Variants in AGAP1 observed in about 807,000 individuals in gnomAD.
The protein encoded by AGAP1 is arf-GAP with GTPase, ANK repeat and PH domain-containing protein 1.
Under a neutral mutation model 105.3 loss-of-function variants are expected in AGAP1, and 29 were observed. The observed-to-expected ratio is 0.28, with a 90% confidence interval of 0.21 to 0.38. The LOEUF (loss-of-function observed/expected upper bound fraction) is 0.38. AGAP1 is among the 10% of genes least tolerant of loss of function. The pLI is 1.00. For missense variants in AGAP1, 998 were observed against 1,165.1 expected (o/e 0.86, Z 2.09); for synonymous variants, 509 against 485.9 (o/e 1.05, Z -0.63).
intron 1 of AGAP1, among the ~76,000 whole-genome samples, chr2:235,523,486 T>C (rs11688198): frequency 0.12 from 18,820 of 152,170 alleles, 1,361 homozygotes; most frequent in Middle Eastern, 0.27. Flanking sequence ...TAGGACTTGA[T>C]GGATGGTGCC....
At chr2:235,944,241 G>A (rs531206999) in intron 12 of AGAP1, among the ~76,000 whole-genome samples, 16 of 152,164 alleles carry the variant, frequency 1.1e-4, no homozygotes, top group South Asian at 2.1e-4. Flanking sequence ...TCAAATTATC[G>A]ATAAATACAT....
At chr2:235,678,190 A>C (rs35436699) in intron 1 of AGAP1, among the ~76,000 whole-genome samples, 1 of 152,014 alleles carries the variant, frequency 6.6e-6, no homozygotes, top group East Asian at 1.9e-4. Context: ...TCAGCTGCCA[A>C]ACTAGAATCC....
intron 6 of AGAP1, among the ~76,000 whole-genome samples, chr2:235,756,080 C>G (rs1297088239): frequency 2.0e-5 from 3 of 152,186 alleles, no homozygotes; most frequent in African/African-American, 7.2e-5. Context: ...AGAGCGGGCT[C>G]TGCCTGTATA....
Position 236,073,923 on chromosome 2 carries a change from C to T in AGAP1, c.2114+24642C>T, listed in dbSNP as rs1357982446. Among the ~76,000 whole-genome samples the T allele has an allele frequency of 1.6e-5, 2 of 126,964 alleles. No individual in the cohort carries two copies. Among genetic ancestry groups the T allele is most frequent in the Non-Finnish European group, 3.9e-5 (2 of 51,578 alleles). The allele number at this position is 126,964 out of a possible 152,430, so 83.3% of individuals were successfully genotyped here. On this transcript the variant is annotated intron_variant, in intron 16 of 17. Coordinates refer to ENST00000304032, the MANE Select transcript of AGAP1 (RefSeq NM_001037131.3). This position sits in a 1 kb window ranked among gnomAD's most constrained non-coding sequence, Gnocchi z 5.4. Reference sequence around the variant, plus strand: ...CCCCTCCCCCCAAGCATTTCCGCTGCACATCCCAGCTCAAGAACCACCCTC... The same window carrying T: ...CCCCTCCCCCCAAGCATTTCCGCTGTACATCCCAGCTCAAGAACCACCCTC...
intron 1 of AGAP1, among the ~76,000 whole-genome samples, chr2:235,653,278 T>C (rs71423691): frequency 6.6e-6 from 1 of 151,720 alleles, no homozygotes; most frequent in South Asian, 2.1e-4. Flanking sequence ...ATCCTGGCTA[T>C]CACGGTGAAA....
At chr2:235,685,092 G>T (rs1033921095) in intron 1 of AGAP1, among the ~76,000 whole-genome samples, 1 of 152,132 alleles carries the variant, frequency 6.6e-6, no homozygotes, top group Non-Finnish European at 1.5e-5. Flanking sequence ...CCGAGGTTGA[G>T]TGGGCTGGTT....
rs2052978713 is a variant in AGAP1 at position 235,936,178 on chromosome 2, T to G, written c.1483+5255T>G. ...ACTGTTAATACTGCATTTCTTCACG[T>G]GACTCTTCCATGTGGCTCTTGAGCC... On this transcript the variant is annotated intron_variant, in intron 12 of 17. Coordinates refer to ENST00000304032, the MANE Select transcript of AGAP1 (RefSeq NM_001037131.3). The surrounding 1 kb of genome is among the most constrained non-coding windows in gnomAD (Gnocchi z 4.7). Among the ~76,000 whole-genome samples the G allele has an allele frequency of 6.6e-6, 1 of 152,222 alleles. No individual in the cohort carries two copies. The highest frequency in any genetic ancestry group is 2.1e-4 in the South Asian group (1 of 4,832).
At chr2:235,742,316 A>G (rs1002709265) in intron 4 of AGAP1, among the ~76,000 whole-genome samples, 1 of 152,196 alleles carries the variant, frequency 6.6e-6, no homozygotes, top group African/African-American at 2.4e-5. Context: ...CTGACCATTG[A>G]CAGTGACCAT....
rs1953022857 is a variant in AGAP1 at position 235,747,164 on chromosome 2, C to G, written c.538+2325C>G. Among the ~76,000 whole-genome samples, 1 of 152,142 alleles carries G rather than the reference C, an allele frequency of 6.6e-6. No individual in the cohort carries two copies. The highest frequency in any genetic ancestry group is 1.5e-5 in the Non-Finnish European group (1 of 68,032). Reference sequence around the variant, plus strand: ...CTGCCTGGAATCCTGAACCCCACCCCCCACTGTCCCTGCCCCTGGAGGCAG... The same window carrying G: ...CTGCCTGGAATCCTGAACCCCACCCGCCACTGTCCCTGCCCCTGGAGGCAG... On this transcript the variant is annotated intron_variant, in intron 5 of 17. Coordinates refer to ENST00000304032, the MANE Select transcript of AGAP1 (RefSeq NM_001037131.3). The surrounding 1 kb of genome is among the most constrained non-coding windows in gnomAD (Gnocchi z 5.0).
chr2:235,514,149 C>T (rs571294728), intron 1 of AGAP1, among the ~76,000 whole-genome samples: 11 of 85,602 alleles, frequency 1.3e-4, no homozygotes, highest in Admixed American at 8.2e-4. Flanking sequence ...CCAGTGCATG[C>T]GCGTGCGCGC....
At chr2:236,059,246 A>G (rs1427671249) in intron 16 of AGAP1, among the ~76,000 whole-genome samples, 1 of 152,194 alleles carries the variant, frequency 6.6e-6, no homozygotes, top group Non-Finnish European at 1.5e-5. Flanking sequence ...TCCATTTACA[A>G]ATAGCATCAA....
rs1289412423 is a variant in AGAP1, at chr2:235,891,806, CCT to C, written c.1155+8359_1155+8360del. On this transcript the variant is annotated intron_variant, in intron 10 of 17. Coordinates refer to ENST00000304032, the MANE Select transcript of AGAP1 (RefSeq NM_001037131.3). This position sits in a 1 kb window ranked among gnomAD's most constrained non-coding sequence, Gnocchi z 4.2. The stretch of plus-strand genomic sequence containing the variant: ...GAGGTCGTTTGGCAGCTGTGAAACT[CCT>C]CCCCTCCGGGCCATACCTGGCAGAC... 3.3e-5 allele frequency among the ~76,000 whole-genome samples: 5 copies of C among 152,130 alleles called. No homozygotes were observed. Among genetic ancestry groups the C allele is most frequent in the Non-Finnish European group, 5.9e-5 (4 of 68,036 alleles).
chr2:236,115,090 A>G (rs1249361994), intron 16 of AGAP1, among the ~76,000 whole-genome samples: 3 of 152,194 alleles, frequency 2.0e-5, no homozygotes, highest in Non-Finnish European at 4.4e-5. Context: ...GTGATTTAGA[A>G]GCCTCCCGTG....
rs949989617 is a variant in AGAP1 at position 235,665,037 on chromosome 2, A to G, written c.164-44142A>G. On this transcript the variant is annotated intron_variant, in intron 1 of 17. Coordinates refer to ENST00000304032, the MANE Select transcript of AGAP1 (RefSeq NM_001037131.3). The surrounding 1 kb of genome is among the most constrained non-coding windows in gnomAD (Gnocchi z 5.3). ...GGCGTTCGAGACCAGCCTGGGCAAC[A>G]TGGCAAGACCCTCCTCTCTACAAAA... 6.6e-6 allele frequency among the ~76,000 whole-genome samples: 1 copy of G among 152,178 alleles called. No individual in the cohort carries two copies. The highest frequency in any genetic ancestry group is 1.5e-5 in the Non-Finnish European group (1 of 68,046).
At chr2:236,028,261 G>A (rs2057116440) in intron 13 of AGAP1, among the ~76,000 whole-genome samples, 1 of 152,116 alleles carries the variant, frequency 6.6e-6, no homozygotes, top group African/African-American at 2.4e-5. Flanking sequence ...TAGCCAATTA[G>A]CCTGGGTTTC....
intron 9 of AGAP1, among the ~76,000 whole-genome samples, chr2:235,815,379 G>A (rs138742449): frequency 6.6e-6 from 1 of 152,200 alleles, no homozygotes; most frequent in Admixed American, 6.5e-5. Context: ...CACACGCCTG[G>A]TGTCTCTTTT....
chr2:235,774,706 G>A (rs1955727089), intron 6 of AGAP1, among the ~76,000 whole-genome samples: 1 of 152,202 alleles, frequency 6.6e-6, no homozygotes, highest in Non-Finnish European at 1.5e-5. Context: ...ATTCCAATCA[G>A]AGATTTCACA....
chr2:236,106,990 C>A (rs532340261), intron 16 of AGAP1, among the ~76,000 whole-genome samples: 1 of 152,200 alleles, frequency 6.6e-6, no homozygotes, highest in South Asian at 2.1e-4. Flanking sequence ...TGTGCGGAGG[C>A]TCAATGAGAG....
At chr2:235,851,637 T>C (rs1160006204) in intron 9 of AGAP1, among the ~76,000 whole-genome samples, 1 of 152,094 alleles carries the variant, frequency 6.6e-6, no homozygotes, top group East Asian at 1.9e-4. Flanking sequence ...CTTATCTCCG[T>C]GTGTGTGGCC....
Sources: gnomAD v4.1 joint callset for allele counts (sites outside exome capture counted in the v4.1 genomes callset) on GRCh38, gnomAD v4.1.1 for gene constraint, Gnocchi (gnomAD v3.1) non-coding constraint, MANE v1.5 for transcripts, NCBI Gene and HGNC (gene_info 2026-07-23, HGNC 2026-07-21) for gene names.